SHMT1: variants seen among roughly 807,000 people sequenced by gnomAD.
SHMT1 encodes serine hydroxymethyltransferase, cytosolic.
SHMT1 carries 45 observed loss-of-function variants against 49.0 expected under a neutral mutation model. That is an observed-to-expected ratio of 0.92 (90% CI 0.72 to 1.18). The LOEUF is 1.18. Among genes scored for constraint, SHMT1 ranks in the 50% most tolerant of loss-of-function variants. SHMT1 has a pLI of 0.00. For missense variants in SHMT1, 541 were observed against 612.4 expected, an observed-to-expected ratio of 0.88 and a Z score of 1.23; for synonymous variants, 232 against 246.6, an observed-to-expected ratio of 0.94 and a Z score of 0.55.
At chr17:18,339,224 G>A (rs969103511) in intron 7 of SHMT1, among the ~76,000 whole-genome samples, 7 of 152,098 alleles carry the variant, frequency 4.6e-5, no homozygotes, top group Non-Finnish European at 7.4e-5. Flanking sequence ...CCTAGGGGTA[G>A]GTTATGAGGT....
At chr17:18,334,822 G>A (rs1383057926) in intron 8 of SHMT1, among the ~76,000 whole-genome samples, 5 of 152,174 alleles carry the variant, frequency 3.3e-5, no homozygotes, top group Non-Finnish European at 7.3e-5. Flanking sequence ...AGCAGCTGTG[G>A]GTGCCAAGTG....
rs138718369 is a variant in SHMT1, at chr17:18,349,355, G to T, written c.243-915C>A. The stretch of plus-strand genomic sequence containing the variant: ...GAATCTCTTGAACCCAGGAGGTGGA[G>T]GTTGCAGTGAGCCGAGATCGCCCCA... On this transcript the variant is annotated intron_variant, in intron 3 of 11. Transcript: ENST00000316694. Among the ~76,000 whole-genome samples the T allele has an allele frequency of 3.1e-3, 476 of 152,226 alleles. 3 individuals are homozygous for T. The highest frequency in any genetic ancestry group is 0.011 in the African/African-American group (446 of 41,532).
chr17:18,346,661 G>A (rs1985110598), intron 5 of SHMT1, among the ~76,000 whole-genome samples: 1 of 152,086 alleles, frequency 6.6e-6, no homozygotes, highest in African/African-American at 2.4e-5. Flanking sequence ...TCATTAAGCT[G>A]AAAATATCAT....
intron 5 of SHMT1, among the ~76,000 whole-genome samples, chr17:18,346,894 T>C (rs1985133431): frequency 6.6e-6 from 1 of 152,202 alleles, no homozygotes; most frequent in Non-Finnish European, 1.5e-5. Flanking sequence ...GTACAGCTAA[T>C]AACGCATGTC....
At chr17:18,333,124 AACC>A (rs752634858) in intron 9 of SHMT1, 39 bp downstream of exon 9, 37 of 1,612,392 alleles carry the variant, frequency 2.3e-5, no homozygotes, top group Admixed American at 5.0e-5. Context: ...GCCTTAATAC[AACC>A]ACAAGAACAG....
At chr17:18,346,349 C>T (rs527634382) in intron 5 of SHMT1, among the ~76,000 whole-genome samples, 1 of 152,306 alleles carries the variant, frequency 6.6e-6, no homozygotes, top group African/African-American at 2.4e-5. Flanking sequence ...AAGCAAGTTA[C>T]CTCTTCTTCC....
intron 3 of SHMT1, among the ~76,000 whole-genome samples, chr17:18,349,154 T>A (rs1052841226): frequency 4.6e-5 from 7 of 152,132 alleles, no homozygotes; most frequent in African/African-American, 1.7e-4. Context: ...GCATGGTGGC[T>A]CACGCCTGTA....
chr17:18,347,970 T>G lies in SHMT1; in HGVS notation c.359-314A>C, dbSNP rs1204821074. ...TTCGCTCTTGTTGCCCAGGCTGGAATGCAATGGCGCCATCTCGGCAGCTCA... is the reference window on the plus strand; with the variant it reads ...TTCGCTCTTGTTGCCCAGGCTGGAAGGCAATGGCGCCATCTCGGCAGCTCA... On this transcript the variant is annotated intron_variant, in intron 4 of 11. Coordinates refer to ENST00000316694, the MANE Select transcript of SHMT1 (RefSeq NM_004169.5). 2.0e-5 allele frequency among the ~76,000 whole-genome samples: 3 copies of G among 149,980 alleles called. No homozygotes were observed. In the Admixed American group the frequency reaches 2.0e-4, roughly 10 times the overall value.
Position 18,347,488 on chromosome 17 carries a change from A to G in SHMT1, c.519+8T>C, listed in dbSNP as rs974327352. On this transcript the variant is annotated splice_region_variant and intron_variant, in intron 5 of 11. Coordinates refer to ENST00000316694, the MANE Select transcript of SHMT1 (RefSeq NM_004169.5). ...GAAATAAAAGCTAGGAGAGAAACAC[A>G]TGCTTACCTTGTAGGGCATAGATTC... 4 of 1,613,808 alleles carry G rather than the reference A, an allele frequency of 2.5e-6. No homozygotes were observed. Among genetic ancestry groups the G allele is most frequent in the Non-Finnish European group, 3.4e-6 (4 of 1,179,990 alleles).
chr17:18,362,445 C>A (rs943341753), intron 1 of SHMT1, among the ~76,000 whole-genome samples: 1 of 152,040 alleles, frequency 6.6e-6, no homozygotes, highest in Non-Finnish European at 1.5e-5. Context: ...CTCAGCCTTC[C>A]GAGTAGCTGG....
chr17:18,344,921 G>A (rs1213607012), intron 5 of SHMT1, among the ~76,000 whole-genome samples: 1 of 152,244 alleles, frequency 6.6e-6, no homozygotes, highest in Non-Finnish European at 1.5e-5. Flanking sequence ...TGAAGGTGGA[G>A]GCAGGCGGTC....
intron 10 of SHMT1, among the ~76,000 whole-genome samples, chr17:18,329,900 C>T (rs75913225): frequency 0.061 from 9,226 of 152,250 alleles, 385 homozygotes; most frequent in Non-Finnish European, 0.091. Context: ...GTCTCACTGT[C>T]GCCTAAGCTG....
intron 5 of SHMT1, among the ~76,000 whole-genome samples, chr17:18,342,983 T>A (rs961782474): frequency 6.6e-6 from 1 of 150,804 alleles, no homozygotes; most frequent in Non-Finnish European, 1.5e-5. Flanking sequence ...AATAAAACAA[T>A]CAAACTCACA....
Position 18,329,012 on chromosome 17 carries a change from C to T in SHMT1, c.1283-93G>A, listed in dbSNP as rs77278763. On this transcript the variant is annotated intron_variant, in intron 11 of 11. Transcript: ENST00000316694. ...GAGGCACAAATGTCAGAATGTCCCC[C>T]AGCTGGGGAGTGTGGCAGGGCACAA... The T allele has an allele frequency of 6.0e-3, 9,123 of 1,519,152 alleles. 94 individuals carry two copies. Among genetic ancestry groups the T allele is most frequent in the Admixed American group, 0.037 (2,206 of 58,920 alleles). 94.1% of individuals were successfully genotyped at this position (1,519,152 alleles called of 1,614,324 possible).
At chr17:18,352,234 C>CT (rs1985792433) in intron 3 of SHMT1, among the ~76,000 whole-genome samples, 1 of 149,966 alleles carries the variant, frequency 6.7e-6, no homozygotes, top group South Asian at 2.1e-4. Flanking sequence ...CAAGCTCTGC[C>CT]CCCTGGGGTT....
At chr17:18,346,966 C>A (rs1985142352) in intron 5 of SHMT1, among the ~76,000 whole-genome samples, 1 of 152,190 alleles carries the variant, frequency 6.6e-6, no homozygotes, top group South Asian at 2.1e-4. Context: ...CCTCTGTAGC[C>A]ACTATACACA....
In SHMT1 at chr17:18,340,578, T is replaced by C. The variant is rs1984386475; in HGVS notation, c.601+154A>G. 5 of 736,746 alleles carry C rather than the reference T, an allele frequency of 6.8e-6. No individual in the cohort carries two copies. The East Asian group carries it at 1.3e-4, about 20-fold the overall frequency. The allele number at this position is 736,746 out of a possible 1,614,324, so 45.6% of individuals were successfully genotyped here. A position where few individuals can be genotyped will look rare whatever the true frequency, so the allele number is the denominator to read the frequency against. On this transcript the variant is annotated intron_variant, in intron 6 of 11. Coordinates refer to ENST00000316694, the MANE Select transcript of SHMT1 (RefSeq NM_004169.5). The surrounding 1 kb of genome is among the most constrained non-coding windows in gnomAD (Gnocchi z 4.5). ...AAGCAGCAAACACACATCTGTATCC[T>C]GAAAGAAACTAATATATGTAGACCC... is the stretch of plus-strand genomic sequence containing the variant.
chr17:18,328,156 TGGAG>T lies in SHMT1; in HGVS notation c.*590_*593del, dbSNP rs1399934179. ...AGGATGGGACTGGGACTTCCCAGGA[TGGAG>T]GGAGGAGGCCATTTCTACACCATAC... On this transcript the variant is annotated 3_prime_UTR_variant, in exon 12 of 12. Transcript: ENST00000316694. 1 of 155,298 alleles carries T rather than the reference TGGAG, an allele frequency of 6.4e-6. No homozygotes were observed. Among genetic ancestry groups the T allele is most frequent in the Non-Finnish European group, 1.4e-5 (1 of 69,998 alleles). The allele number at this position is 155,298 out of a possible 1,614,324, so 9.6% of individuals were successfully genotyped here.
At chr17:18,360,489 G>C (rs1986655108) in intron 1 of SHMT1, 2 of 151,842 alleles carry the variant, frequency 1.3e-5, no homozygotes, top group African/African-American at 4.8e-5. Flanking sequence ...GAGTCCCGGA[G>C]GTTGAGGCTG....
Sources: gnomAD v4.1 joint callset for allele counts (sites outside exome capture counted in the v4.1 genomes callset) on GRCh38, gnomAD v4.1.1 for gene constraint, Gnocchi (gnomAD v3.1) non-coding constraint, MANE v1.5 for transcripts, NCBI Gene and HGNC (gene_info 2026-07-23, HGNC 2026-07-21) for gene names.